DNM2: variants seen among roughly 807,000 people sequenced by gnomAD.
DNM2 encodes the protein dynamin-2.
A neutral mutation model predicts 99.0 loss-of-function variants in DNM2; 15 were observed. That is an observed-to-expected ratio of 0.15 (90% CI 0.10 to 0.23). The LOEUF (loss-of-function observed/expected upper bound fraction) is 0.23. DNM2 is among the 10% of genes least tolerant of loss of function. The probability of loss-of-function intolerance (pLI) is 1.00; values close to 1 mark genes in which losing one functional copy is unlikely to be tolerated. For synonymous variants in DNM2, 525 were observed against 481.2 expected (o/e 1.09, Z -1.19); for missense variants, 742 against 1,189.4 (o/e 0.62, Z 5.53).
At chr19:10,783,213 C>T (rs1486360304) in intron 6 of DNM2, 93 bp downstream of exon 6, 2 of 1,570,814 alleles carry the variant, frequency 1.3e-6, no homozygotes, top group African/African-American at 2.7e-5. Context: ...CAGGCTAGAG[C>T]AGCACTTGTT....
intron 11 of DNM2, among the ~76,000 whole-genome samples, chr19:10,801,642 C>T (rs1382329764): frequency 6.8e-6 from 1 of 147,930 alleles, no homozygotes; most frequent in Non-Finnish European, 1.5e-5. Flanking sequence ...CGCAGTGGCT[C>T]ATGCTTGTAA....
Position 10,775,715 on chromosome 19 carries a change from C to A in DNM2, c.398C>A (p.Thr133Asn). Residue 133 changes from threonine (T) to asparagine (N), a missense_variant, in exon 4 of 21, where the codon ACC (threonine) becomes AAC (asparagine). By Grantham distance (65) the Thr-to-Asn change is moderately conservative. This residue lies in a region of DNM2 where 192 missense variants were observed against 358.9 expected (regional missense o/e 0.54). Coordinates refer to ENST00000389253, the MANE Select transcript of DNM2 (RefSeq NM_001005361.3). The surrounding 1 kb of genome is among the most constrained non-coding windows in gnomAD (Gnocchi z 4.3). ...GTTTCCCTCCCAGTGTTGAACTTGA[C>A]CCTCATCGACCTCCCGGGTATCACC... ...RVYSPHVLNL[T>N]LIDLPGITKV... The A allele has an allele frequency of 1.2e-6, 2 of 1,614,144 alleles. No individual in the cohort carries two copies. The highest frequency in any genetic ancestry group is 1.7e-6 in the Non-Finnish European group (2 of 1,180,028).
chr19:10,825,302 A>G (rs1271470999), intron 18 of DNM2, 81 bp downstream of exon 18: 3 of 1,582,724 alleles, frequency 1.9e-6, no homozygotes, highest in Non-Finnish European at 2.6e-6. Context: ...TGGGAGGCCA[A>G]GGCGGGCGGA....
intron 4 of DNM2, 134 bp downstream of exon 4, chr19:10,776,040 G>A: frequency 8.7e-7 from 1 of 1,155,540 alleles, no homozygotes. Flanking sequence ...CTGGAACATG[G>A]CACTTCCTCC....
intron 14 of DNM2, chr19:10,810,057 G>T (rs182653311): frequency 6.6e-6 from 1 of 152,280 alleles, no homozygotes; most frequent in African/African-American, 2.4e-5. Flanking sequence ...CGTCATGAGC[G>T]TGGCCGTGGC....
intron 15 of DNM2, among the ~76,000 whole-genome samples, chr19:10,819,058 C>T (rs770249739): frequency 2.6e-5 from 4 of 152,172 alleles, no homozygotes; most frequent in Non-Finnish European, 5.9e-5. Flanking sequence ...GGGCCCACCT[C>T]TGAGCTGCCT....
chr19:10,799,095 C>T (rs527248004), intron 11 of DNM2, among the ~76,000 whole-genome samples: 4 of 152,306 alleles, frequency 2.6e-5, no homozygotes, highest in African/African-American at 7.2e-5. Context: ...GGCGTGGTGG[C>T]GCATGCCTGT....
chr19:10,759,748 C>T lies in DNM2; in HGVS notation c.172C>T (p.Pro58Ser). Residue 58 changes from proline (P) to serine (S), a missense_variant, in exon 2 of 21, where the codon CCC becomes TCC. Physicochemically the swap from Pro to Ser is moderately conservative, Grantham distance 74. Around this residue, in one of 7 missense-constraint regions of DNM2, gnomAD observed 192 missense variants for 358.9 expected, o/e 0.54. Coordinates refer to ENST00000389253, the MANE Select transcript of DNM2 (RefSeq NM_001005361.3). Reference sequence around the variant, plus strand: ...CTCCCCCCCTCACAGGGACTTCCTTCCCCGCGGTTCAGGAATCGTCACCCG... The same window carrying T: ...CTCCCCCCCTCACAGGGACTTCCTTTCCCGCGGTTCAGGAATCGTCACCCG... ...LENFVGRDFL[P>S]RGSGIVTRRP... 1 of 1,614,176 alleles carries T rather than the reference C, an allele frequency of 6.2e-7. No homozygotes were observed. The highest frequency in any genetic ancestry group is 1.1e-5 in the South Asian group (1 of 91,090).
At chr19:10,783,942 C>T (rs770971999) in intron 6 of DNM2, among the ~76,000 whole-genome samples, 32 of 152,132 alleles carry the variant, frequency 2.1e-4, no homozygotes, top group Middle Eastern at 3.4e-3. Flanking sequence ...TCGAGTGATC[C>T]GCCTGTGTCA....
intron 16 of DNM2, among the ~76,000 whole-genome samples, chr19:10,822,934 G>A (rs1395665034): frequency 5.9e-5 from 9 of 151,778 alleles, no homozygotes; most frequent in African/African-American, 1.2e-4. Flanking sequence ...GTGAAACCCC[G>A]TCTCTACTAA....
chr19:10,799,717 A>G (rs1306655832), intron 11 of DNM2, among the ~76,000 whole-genome samples: 1 of 152,018 alleles, frequency 6.6e-6, no homozygotes, highest in Non-Finnish European at 1.5e-5. Flanking sequence ...TATTTTTAGT[A>G]GAGAGAGATT....
rs567086469 is a variant in DNM2 at position 10,767,318 on chromosome 19, G to A, written c.236-5161G>A. ...CCACTCTATTTCTCTTTTTGTCATT[G>A]TTTTGAGACAGGGTCTCTGGCCTCC... On this transcript the variant is annotated intron_variant, in intron 2 of 20. Transcript: ENST00000389253. Among the ~76,000 whole-genome samples, 13 of 152,102 alleles carry A rather than the reference G, an allele frequency of 8.5e-5. No homozygotes were observed. The South Asian group carries it at 2.5e-3, about 29-fold the overall frequency.
At chr19:10,726,228 AAAT>A (rs1189988600) in intron 1 of DNM2, among the ~76,000 whole-genome samples, 3 of 117,144 alleles carry the variant, frequency 2.6e-5, no homozygotes, top group Non-Finnish European at 5.2e-5. Flanking sequence ...CAAAAAAAAA[AAAT>A]TTTTTTTTTT....
At chr19:10,827,574 A>C (rs1444338641) in intron 18 of DNM2, among the ~76,000 whole-genome samples, 1 of 151,968 alleles carries the variant, frequency 6.6e-6, no homozygotes, top group Non-Finnish European at 1.5e-5. Flanking sequence ...TATCTAAAAA[A>C]AAAAAAAGTT....
intron 1 of DNM2, among the ~76,000 whole-genome samples, chr19:10,725,284 A>G (rs1343748402): frequency 6.6e-6 from 1 of 152,096 alleles, no homozygotes; most frequent in Non-Finnish European, 1.5e-5. Flanking sequence ...GATCTCTACT[A>G]AAAATACAAA....
chr19:10,819,041 G>A lies in DNM2; in HGVS notation c.1672-939G>A, dbSNP rs114445673. Among the ~76,000 whole-genome samples, 355 of 152,242 alleles carry A rather than the reference G, an allele frequency of 2.3e-3. 3 individuals carry two copies. Among genetic ancestry groups the A allele is most frequent in the African/African-American group, 8.0e-3 (333 of 41,568 alleles). ...CGTGACTCGCCAGCCCCTTGCCCCT[G>A]GCCGAGGGGCCCACCTCTGAGCTGC... On this transcript the variant is annotated intron_variant, in intron 15 of 20. Coordinates refer to ENST00000389253, the MANE Select transcript of DNM2 (RefSeq NM_001005361.3).
chr19:10,760,296 C>G (rs1277532052), intron 2 of DNM2, among the ~76,000 whole-genome samples: 1 of 151,978 alleles, frequency 6.6e-6, no homozygotes, highest in East Asian at 1.9e-4. Context: ...TCACTTCGGC[C>G]TCCCTAAGTG....
intron 2 of DNM2, among the ~76,000 whole-genome samples, chr19:10,761,500 G>C (rs1422261611): frequency 1.3e-5 from 2 of 152,140 alleles, no homozygotes; most frequent in Admixed American, 6.5e-5. Flanking sequence ...AGCTAGACCC[G>C]GGAGAGGTAA....
chr19:10,817,417 C>T lies in DNM2; in HGVS notation c.1672-2563C>T. ...GGGCCTGTCTCGACGAGCCGCTCAC[C>T]CAAGCCCAGCCTAACCAATGTGCAG... is the stretch of plus-strand genomic sequence containing the variant. On this transcript the variant is annotated intron_variant, in intron 15 of 20. Coordinates refer to ENST00000389253, the MANE Select transcript of DNM2 (RefSeq NM_001005361.3). The surrounding 1 kb of genome is among the most constrained non-coding windows in gnomAD (Gnocchi z 4.6). 2.0e-6 allele frequency: 1 copy of T among 510,112 alleles called. No homozygotes were observed. Among genetic ancestry groups the T allele is most frequent in the Non-Finnish European group, 4.0e-6 (1 of 248,198 alleles). The allele number at this position is 510,112 out of a possible 1,614,324, so 31.6% of individuals were successfully genotyped here.
Sources: gnomAD v4.1 joint callset for allele counts (sites outside exome capture counted in the v4.1 genomes callset) on GRCh38, gnomAD v4.1.1 for gene constraint, gnomAD v4.1.1 regional missense constraint, Gnocchi (gnomAD v3.1) non-coding constraint, MANE v1.5 for transcripts, NCBI Gene and HGNC (gene_info 2026-07-23, HGNC 2026-07-21) for gene names.